Variants in TLK2 observed in about 807,000 individuals in gnomAD.
The protein encoded by TLK2 is serine/threonine-protein kinase tousled-like 2.
TLK2 carries 6 observed loss-of-function variants against 117.3 expected under a neutral mutation model. The ratio of observed to expected loss-of-function variants is 0.05; its 90% confidence interval spans 0.03 to 0.10. The LOEUF is 0.10. TLK2 is among the 10% of genes least tolerant of loss of function. The pLI is 1.00. For synonymous variants in TLK2, 257 were observed against 316.7 expected, an observed-to-expected ratio of 0.81 and a Z score of 2.00; for missense variants, 299 against 901.2, an observed-to-expected ratio of 0.33 and a Z score of 8.56.
chr17:62,520,876 A>C, intron 3 of TLK2, 32 bp downstream of exon 3: 1 of 1,609,592 alleles, frequency 6.2e-7, no homozygotes, highest in Non-Finnish European at 8.5e-7. Flanking sequence ...AGGACTTTTC[A>C]TACTTGTACG....
intron 7 of TLK2, among the ~76,000 whole-genome samples, chr17:62,543,639 T>C (rs1275132143): frequency 6.6e-6 from 1 of 152,238 alleles, no homozygotes; most frequent in Non-Finnish European, 1.5e-5. Flanking sequence ...GCATCTTCTT[T>C]GGAGAGATCA....
Position 62,560,030 on chromosome 17 carries a change from G to C in TLK2, c.735G>C (p.Leu245Phe), listed in dbSNP as rs372553210. 8 of 1,606,370 alleles carry C rather than the reference G, an allele frequency of 5.0e-6. No homozygotes were observed. The highest frequency in any genetic ancestry group is 6.8e-6 in the Non-Finnish European group (8 of 1,176,294). ...IDDLLRANCD[L>F]RRQIDEQQKM... ...TCTCATTGAAGGCCAACTGTGATTT[G>C]AGACGGCAGATTGATGAACAGCAAA... is the stretch of plus-strand genomic sequence containing the variant. Residue 245 changes from leucine to phenylalanine, a missense_variant, in exon 10 of 22, where the codon TTG becomes TTC. Coordinates refer to ENST00000346027, the MANE Select transcript of TLK2 (RefSeq NM_006852.6).
intron 11 of TLK2, among the ~76,000 whole-genome samples, chr17:62,570,025 C>T (rs563163379): frequency 1.2e-4 from 18 of 152,278 alleles, no homozygotes; most frequent in East Asian, 3.9e-4. Context: ...CATTCTCTGT[C>T]TCCTCTTCAC....
intron 7 of TLK2, among the ~76,000 whole-genome samples, chr17:62,538,017 C>T (rs1455068024): frequency 7.3e-6 from 1 of 137,464 alleles, no homozygotes; most frequent in Admixed American, 7.4e-5. Context: ...CATACACTTA[C>T]TTTTGTTAAA....
intron 1 of TLK2, among the ~76,000 whole-genome samples, chr17:62,473,756 A>C (rs538502152): frequency 3.5e-4 from 54 of 152,362 alleles, no homozygotes; most frequent in African/African-American, 1.2e-3. Flanking sequence ...GCCATAATCC[A>C]TCATTCAGAC....
chr17:62,610,533 T>C (rs1342882583), intron 21 of TLK2, among the ~76,000 whole-genome samples: 1 of 152,198 alleles, frequency 6.6e-6, no homozygotes, highest in East Asian at 1.9e-4. Context: ...TGGAAACCTC[T>C]TTTTTTGATG....
chr17:62,485,627 A>G (rs2072251101), intron 2 of TLK2, among the ~76,000 whole-genome samples: 1 of 152,066 alleles, frequency 6.6e-6, no homozygotes, highest in South Asian at 2.1e-4. Context: ...GGGATGCACT[A>G]TTTGGTTTTT....
intron 2 of TLK2, among the ~76,000 whole-genome samples, chr17:62,494,822 G>T (rs1390128675): frequency 6.6e-6 from 1 of 152,186 alleles, no homozygotes; most frequent in Non-Finnish European, 1.5e-5. Context: ...CAGAATAAGG[G>T]AGTATAATTA....
intron 7 of TLK2, among the ~76,000 whole-genome samples, chr17:62,541,579 C>T (rs1365481889): frequency 6.6e-6 from 1 of 152,194 alleles, no homozygotes; most frequent in African/African-American, 2.4e-5. Context: ...AAAATTATTA[C>T]ATAATTCTAT....
chr17:62,478,476 T>C (rs917566714), upstream of TLK2, among the ~76,000 whole-genome samples: 2 of 149,902 alleles, frequency 1.3e-5, no homozygotes, highest in Non-Finnish European at 3.0e-5. Flanking sequence ...CGGCGGGTCC[T>C]CCGGGCCTCC....
intron 16 of TLK2, among the ~76,000 whole-genome samples, chr17:62,589,112 TCTC>T (rs942605501): frequency 7.9e-5 from 12 of 152,174 alleles, no homozygotes; most frequent in Admixed American, 2.6e-4. Context: ...ACTTCATTCC[TCTC>T]CTCCTCCTAC....
chr17:62,482,528 C>A (rs2071802134), intron 2 of TLK2, among the ~76,000 whole-genome samples: 1 of 151,174 alleles, frequency 6.6e-6, no homozygotes, highest in African/African-American at 2.4e-5. Context: ...GGGCTCACTG[C>A]AACCTCTGCC....
At chr17:62,579,752 T>C (rs1430043560) in intron 14 of TLK2, among the ~76,000 whole-genome samples, 7 of 152,204 alleles carry the variant, frequency 4.6e-5, no homozygotes, top group African/African-American at 2.4e-5. Context: ...GGTGGGAACA[T>C]GTGGCCCTTG....
intron 7 of TLK2, chr17:62,550,100 C>G (rs1363142099): frequency 1.3e-5 from 2 of 152,590 alleles, no homozygotes; most frequent in Non-Finnish European, 2.9e-5. Flanking sequence ...CTGCCTCAGC[C>G]TCCCCAGTAG....
intron 10 of TLK2, among the ~76,000 whole-genome samples, chr17:62,561,672 T>C (rs190507027): frequency 4.6e-4 from 70 of 152,382 alleles, no homozygotes; most frequent in South Asian, 2.9e-3. Context: ...AATGAATTAT[T>C]TTATTGAGGC....
At chr17:62,494,717 T>C (rs1188105362) in intron 2 of TLK2, among the ~76,000 whole-genome samples, 1 of 152,194 alleles carries the variant, frequency 6.6e-6, no homozygotes, top group African/African-American at 2.4e-5. Context: ...ATGCATTGTA[T>C]AGTCTTGAGG....
chr17:62,473,097 T>C (rs993682105), intron 1 of TLK2, among the ~76,000 whole-genome samples: 3 of 152,124 alleles, frequency 2.0e-5, no homozygotes, highest in African/African-American at 4.8e-5. Context: ...CCTGGTGTGT[T>C]TGCGTACAGG....
intron 6 of TLK2, among the ~76,000 whole-genome samples, chr17:62,532,231 TC>T (rs964626804): frequency 5.4e-4 from 82 of 152,206 alleles, no homozygotes; most frequent in East Asian, 1.5e-3. Context: ...ATAGTTTTTT[TC>T]CCCCCCCAGG....
chr17:62,585,078 C>G (rs183671172), intron 15 of TLK2, among the ~76,000 whole-genome samples: 27 of 152,198 alleles, frequency 1.8e-4, no homozygotes, highest in African/African-American at 6.0e-4. Context: ...TGATTTACAC[C>G]CAGCTTCCTC....
Sources: allele counts gnomAD v4.1 joint callset (sites outside exome capture counted in the v4.1 genomes callset), GRCh38; gene constraint gnomAD v4.1.1; transcripts MANE v1.5; gene names NCBI Gene and HGNC (gene_info 2026-07-23, HGNC 2026-07-21).